NALCN: variants seen among roughly 807,000 people sequenced by gnomAD.
NALCN encodes sodium leak channel NALCN.
In NALCN, 111 loss-of-function variants were observed where a neutral mutation model predicts 225.3. That is an observed-to-expected ratio of 0.49 (90% CI 0.42 to 0.58). The LOEUF is 0.58. Among genes scored for constraint, NALCN ranks in the 20% least tolerant of loss-of-function variants. The pLI is 0.00. For synonymous variants in NALCN, 764 were observed against 769.0 expected, an observed-to-expected ratio of 0.99 and a Z score of 0.11; for missense variants, 1,378 against 2,202.4, an observed-to-expected ratio of 0.63 and a Z score of 7.49.
At chr13:101,149,031 C>T (rs947476590) in intron 15 of NALCN, among the ~76,000 whole-genome samples, 8 of 152,162 alleles carry the variant, frequency 5.3e-5, no homozygotes, top group South Asian at 4.1e-4. Context: ...CAGTGGCTCA[C>T]GCCTGTAATC....
At chr13:101,329,763 A>T (rs2045092509) in intron 7 of NALCN, among the ~76,000 whole-genome samples, 1 of 152,082 alleles carries the variant, frequency 6.6e-6, no homozygotes, top group East Asian at 1.9e-4. Flanking sequence ...CATAGGCTGG[A>T]CACAGTGGCT....
chr13:101,083,710 C>G lies in NALCN; in HGVS notation c.3583+1G>C. 6.2e-7 allele frequency: 1 copy of G among 1,613,030 alleles called. No homozygotes were observed. Among genetic ancestry groups the G allele is most frequent in the Non-Finnish European group, 8.5e-7 (1 of 1,179,198 alleles). On this transcript the variant is annotated splice_donor_variant, in intron 31 of 43. Coordinates refer to ENST00000251127, the MANE Select transcript of NALCN (RefSeq NM_052867.4). LOFTEE classifies it high-confidence loss of function. The stretch of plus-strand genomic sequence containing the variant: ...GAATAAAATCAGAGCATTTTGGGTA[C>G]CCGGGCGAGGCGGAAGATGAAGAGG...
chr13:101,410,131 A>C (rs2047737794), intron 1 of NALCN, among the ~76,000 whole-genome samples: 1 of 152,218 alleles, frequency 6.6e-6, no homozygotes, highest in Non-Finnish European at 1.5e-5. Context: ...TAAGCCACCT[A>C]GTCTGTGCTA....
intron 13 of NALCN, among the ~76,000 whole-genome samples, chr13:101,228,378 T>G (rs1302738399): frequency 6.6e-6 from 1 of 152,212 alleles, no homozygotes; most frequent in Non-Finnish European, 1.5e-5. Flanking sequence ...ATGGTTTGGC[T>G]GTGTCCCCAC....
At chr13:101,210,659 T>C (rs1289865143) in intron 13 of NALCN, among the ~76,000 whole-genome samples, 1 of 152,192 alleles carries the variant, frequency 6.6e-6, no homozygotes, top group African/African-American at 2.4e-5. Context: ...CACCATTCCA[T>C]TAATTCTCCA....
intron 13 of NALCN, among the ~76,000 whole-genome samples, chr13:101,215,397 C>T (rs550977010): frequency 6.6e-6 from 1 of 152,190 alleles, no homozygotes; most frequent in South Asian, 2.1e-4. Context: ...AACAAATTAC[C>T]ACAAACGAAG....
At chr13:101,311,978 T>C (rs1353846579) in intron 7 of NALCN, among the ~76,000 whole-genome samples, 5 of 151,672 alleles carry the variant, frequency 3.3e-5, no homozygotes, top group Non-Finnish European at 5.9e-5. Flanking sequence ...CGGCTGTGAA[T>C]CCATCTGGTC....
chr13:101,320,603 C>T (rs1198351971), intron 7 of NALCN, among the ~76,000 whole-genome samples: 1 of 151,908 alleles, frequency 6.6e-6, no homozygotes, highest in Non-Finnish European at 1.5e-5. Context: ...TTTTTATATC[C>T]CATTAGACAG....
intron 7 of NALCN, among the ~76,000 whole-genome samples, chr13:101,305,510 C>T (rs1316425422): frequency 1.3e-5 from 2 of 152,074 alleles, no homozygotes; most frequent in Non-Finnish European, 2.9e-5. Context: ...GCCTTTTAAC[C>T]CTTATGTTTT....
rs970972916 is a variant in NALCN, at chr13:101,105,670, C to G, written c.2580-720G>C. Among the ~76,000 whole-genome samples, 7 of 152,182 alleles carry G rather than the reference C, an allele frequency of 4.6e-5. No homozygotes were observed. The East Asian group carries it at 1.3e-3, about 29-fold the overall frequency. On this transcript the variant is annotated intron_variant, in intron 22 of 43. Coordinates refer to ENST00000251127, the MANE Select transcript of NALCN (RefSeq NM_052867.4). ...TACTTCAAGAACTGATCAAATCAAT[C>G]TCCAAAATGGCATTTTCTTCCTTTA...
chr13:101,266,336 C>G (rs534838301), intron 10 of NALCN, among the ~76,000 whole-genome samples: 1 of 152,268 alleles, frequency 6.6e-6, no homozygotes, highest in South Asian at 2.1e-4. Flanking sequence ...CATTTATAAA[C>G]TTTCAAAATG....
intron 37 of NALCN, among the ~76,000 whole-genome samples, chr13:101,069,335 A>G (rs1450530254): frequency 6.6e-6 from 1 of 152,250 alleles, no homozygotes. Flanking sequence ...TGCACATGCA[A>G]CTCATGTTTA....
At chr13:101,287,196 C>T (rs905127132) in intron 9 of NALCN, among the ~76,000 whole-genome samples, 6 of 152,152 alleles carry the variant, frequency 3.9e-5, no homozygotes, top group African/African-American at 1.4e-4. Context: ...CTTTTGGATA[C>T]ATATTGCCAA....
At position 101,181,583 on chromosome 13, in the gene NALCN, A is replaced by AAC. The variant is rs1555306734; in HGVS notation, c.1765-5210_1765-5209insGT. Among the ~76,000 whole-genome samples, 250 of 149,990 alleles carry AAC rather than the reference A, an allele frequency of 1.7e-3. 1 individual carries two copies. The highest frequency in any genetic ancestry group is 4.3e-3 in the African/African-American group (176 of 40,960). On this transcript the variant is annotated intron_variant, in intron 14 of 43. Transcript: ENST00000251127. ...ACCCTGTCTCTCAAAAAAAAAAAAA[A>AAC]CAAAAATTAGTCAGGCATGGTGGCG...
At position 101,150,046 on chromosome 13, in the gene NALCN, G is replaced by T. The variant is rs182907876; in HGVS notation, c.1840-5150C>A. Among the ~76,000 whole-genome samples the T allele has an allele frequency of 8.5e-4, 129 of 151,686 alleles. 1 individual carries two copies. Among genetic ancestry groups the T allele is most frequent in the African/African-American group, 2.9e-3 (118 of 41,318 alleles). The stretch of plus-strand genomic sequence containing the variant: ...CAGTTGAGTGGGAAAATACATTTGG[G>T]TTTATTTAAATATTTGAATGAGTGA... On this transcript the variant is annotated intron_variant, in intron 15 of 43. Coordinates refer to ENST00000251127, the MANE Select transcript of NALCN (RefSeq NM_052867.4).
At chr13:101,326,501 T>C (rs552418023) in intron 7 of NALCN, among the ~76,000 whole-genome samples, 1 of 152,196 alleles carries the variant, frequency 6.6e-6, no homozygotes, top group Admixed American at 6.5e-5. Context: ...GAAATGCTGA[T>C]GACACAATCT....
intron 12 of NALCN, among the ~76,000 whole-genome samples, chr13:101,230,836 G>A (rs576229846): frequency 1.4e-5 from 2 of 138,182 alleles, no homozygotes; most frequent in East Asian, 3.9e-4. Context: ...ATACACGCAT[G>A]TATATGTGTG....
chr13:101,393,931 A>G (rs542330891), intron 3 of NALCN, among the ~76,000 whole-genome samples: 1 of 152,366 alleles, frequency 6.6e-6, no homozygotes, highest in East Asian at 1.9e-4. Flanking sequence ...GTTAAGTATT[A>G]GCCTACATTA....
chr13:101,354,068 G>C (rs2045980633), intron 6 of NALCN, among the ~76,000 whole-genome samples: 2 of 152,296 alleles, frequency 1.3e-5, no homozygotes, highest in Middle Eastern at 6.8e-3. Context: ...AGTTGGTCGG[G>C]TGCAGTGGCT....
Sources: gnomAD v4.1 joint callset for allele counts (sites outside exome capture counted in the v4.1 genomes callset) on GRCh38, gnomAD v4.1.1 for gene constraint, MANE v1.5 for transcripts, NCBI Gene and HGNC (gene_info 2026-07-23, HGNC 2026-07-21) for gene names.